SS18: variants seen among roughly 807,000 people sequenced by gnomAD.
The protein encoded by SS18 is SS18 subunit of BAF chromatin remodeling complex, also known as protein SSXT.
In SS18, 28 loss-of-function variants were observed where a neutral mutation model predicts 72.5. The ratio of observed to expected loss-of-function variants is 0.39; its 90% CI spans 0.29 to 0.53. The LOEUF (loss-of-function observed/expected upper bound fraction) is 0.53. Among genes scored for constraint, SS18 ranks in the 20% least tolerant of loss-of-function variants. The pLI is 0.76. For synonymous variants in SS18, 172 were observed against 164.2 expected (o/e 1.05, Z -0.37); for missense variants, 518 against 535.3 (o/e 0.97, Z 0.32).
chr18:26,055,797 C>T (rs1381816492), intron 4 of SS18, among the ~76,000 whole-genome samples: 5 of 135,158 alleles, frequency 3.7e-5, no homozygotes, highest in African/African-American at 1.4e-4. Context: ...CTCACTCTGT[C>T]GCCAGGCTGG....
In SS18 at chr18:26,090,565, G is replaced by T. The variant is rs751846405; in HGVS notation, c.5C>A (p.Ser2Tyr). The change falls in exon 1 of 11, where the codon TCT (serine) becomes TAT (tyrosine). Residue 2 changes from serine to tyrosine, a missense_variant. Ser to Tyr is a moderately radical substitution (Grantham distance 144). Transcript: ENST00000415083. ...CTGCCTCGGGGCCGCGAAAGCCACA[G>T]ACATGTTGCCGCCGTCACCACTATC... Reference protein sequence around the residue: MSVAFAAPRQRG... With the variant: MYVAFAAPRQRG... 28 of 1,583,754 alleles carry T rather than the reference G, an allele frequency of 1.8e-5. No individual in the cohort carries two copies. The highest frequency in any genetic ancestry group is 2.7e-5 in the African/African-American group (2 of 73,902).
chr18:26,074,664 T>C (rs1016140600), intron 3 of SS18, among the ~76,000 whole-genome samples: 1 of 151,980 alleles, frequency 6.6e-6, no homozygotes, highest in African/African-American at 2.4e-5. Context: ...ATTTCACAAC[T>C]GAGAAAAATT....
intron 10 of SS18, among the ~76,000 whole-genome samples, chr18:26,026,324 C>G (rs935795627): frequency 2.0e-5 from 3 of 151,940 alleles, no homozygotes; most frequent in African/African-American, 4.8e-5. Flanking sequence ...AGATTTTATC[C>G]CAGGTATGAA....
At chr18:26,042,721 T>C (rs2053751906) in intron 5 of SS18, among the ~76,000 whole-genome samples, 1 of 151,932 alleles carries the variant, frequency 6.6e-6, no homozygotes, top group Admixed American at 6.6e-5. Context: ...CACCCCAGGC[T>C]AGGAGCCATG....
chr18:26,078,155 T>C lies in SS18; in HGVS notation c.152A>G (p.Gln51Arg). Residue 51 changes from glutamine (Q) to arginine (R), a missense_variant, in exon 3 of 11, where the codon CAG becomes CGG. Transcript: ENST00000415083. ...KGKTSECSQY[Q>R]QMLHTNLVYL... ...TACCAAGTTTGTGTGCAACATCTGC[T>C]GATACCTATTAAAACAAAACAAGTA... 1 of 1,610,878 alleles carries C rather than the reference T, an allele frequency of 6.2e-7. No individual in the cohort carries two copies. The highest frequency in any genetic ancestry group is 1.1e-5 in the South Asian group (1 of 90,634).
chr18:26,086,206 C>A (rs987962345), intron 2 of SS18, among the ~76,000 whole-genome samples: 2 of 152,114 alleles, frequency 1.3e-5, no homozygotes, highest in African/African-American at 2.4e-5. Flanking sequence ...GCAAATCCTA[C>A]ACCATTTTAT....
At chr18:26,062,963 A>C (rs976367309) in intron 3 of SS18, among the ~76,000 whole-genome samples, 11 of 152,332 alleles carry the variant, frequency 7.2e-5, no homozygotes, top group Admixed American at 2.6e-4. Flanking sequence ...TAATGTATAG[A>C]AGAAAAAAAA....
chr18:26,021,258 T>C (rs1172248886), intron 10 of SS18, among the ~76,000 whole-genome samples: 1 of 152,218 alleles, frequency 6.6e-6, no homozygotes, highest in Non-Finnish European at 1.5e-5. Flanking sequence ...TTGGGCAAGT[T>C]GCTTAACCTC....
At chr18:26,075,297 CACAA>C (rs1030642204) in intron 3 of SS18, among the ~76,000 whole-genome samples, 57 of 152,014 alleles carry the variant, frequency 3.7e-4, no homozygotes, top group African/African-American at 9.1e-4. Context: ...CAATCACACT[CACAA>C]ACAAAGATGC....
chr18:26,027,148 A>G (rs1482200055), intron 10 of SS18, among the ~76,000 whole-genome samples: 1 of 152,222 alleles, frequency 6.6e-6, no homozygotes, highest in Non-Finnish European at 1.5e-5. Context: ...CTTTGTATAA[A>G]AAGAACAAAG....
intron 10 of SS18, among the ~76,000 whole-genome samples, chr18:26,031,592 G>C (rs2053542858): frequency 6.6e-6 from 1 of 152,098 alleles, no homozygotes; most frequent in East Asian, 1.9e-4. Flanking sequence ...GTATATATGA[G>C]TACATTCATA....
At chr18:26,064,427 A>C (rs1296982918) in intron 3 of SS18, among the ~76,000 whole-genome samples, 1 of 152,208 alleles carries the variant, frequency 6.6e-6, no homozygotes, top group Non-Finnish European at 1.5e-5. Flanking sequence ...AAGATAATAC[A>C]TTATAACCAA....
At chr18:26,050,331 T>C (rs1010013991) in intron 5 of SS18, among the ~76,000 whole-genome samples, 3 of 152,086 alleles carry the variant, frequency 2.0e-5, no homozygotes, top group African/African-American at 7.2e-5. Flanking sequence ...ACTAGCTTAG[T>C]TGCTGAATTA....
chr18:26,074,296 C>T (rs2054369091), intron 3 of SS18, among the ~76,000 whole-genome samples: 1 of 150,010 alleles, frequency 6.7e-6, no homozygotes, highest in Non-Finnish European at 1.5e-5. Context: ...TAAGATTCCA[C>T]ACCACAACTA....
At chr18:26,027,424 G>A (rs904098255) in intron 10 of SS18, among the ~76,000 whole-genome samples, 2 of 151,850 alleles carry the variant, frequency 1.3e-5, no homozygotes, top group Non-Finnish European at 2.9e-5. Flanking sequence ...CGAAGCAGGC[G>A]GATCACGAGG....
rs2054047919 is a variant in SS18, at chr18:26,057,689, A to G, written c.285T>C (p.Pro95=). The G allele has an allele frequency of 6.2e-7, 1 of 1,613,978 alleles. No individual in the cohort carries two copies. The highest frequency in any genetic ancestry group is 8.5e-7 in the Non-Finnish European group (1 of 1,179,948). ...MGPGGMNQSG[P]PPPPRSHNMP... is the part of the protein sequence containing the mutation. ...TGTTGTGAGAGCGTGGAGGTGGGGG[A>G]GGGCCGCTCTGATTCATCCCTCCAG... The change falls in exon 4 of 11, where the codon CCT becomes CCC. Residue 95 remains proline (P), a synonymous_variant. Transcript: ENST00000415083.
chr18:26,054,041 C>A (rs1366413265), intron 4 of SS18, among the ~76,000 whole-genome samples: 1 of 152,180 alleles, frequency 6.6e-6, no homozygotes, highest in African/African-American at 2.4e-5. Context: ...TAAAATGACA[C>A]AGTATTTCCA....
chr18:26,051,896 C>G lies in SS18; in HGVS notation c.607+728G>C, dbSNP rs537820908. Among the ~76,000 whole-genome samples, 39 of 152,214 alleles carry G rather than the reference C, an allele frequency of 2.6e-4. 4 individuals are homozygous for G. The highest frequency in any genetic ancestry group is 2.0e-3 in the Admixed American group (30 of 15,290). ...TCTTTTATCTGGGTACATTTTAGTG[C>G]TCTGTTTATTTTATAAATCAAAATC... On this transcript the variant is annotated intron_variant, in intron 5 of 10. Transcript: ENST00000415083.
At chr18:26,037,274 CAT>C (rs1246608398) in intron 7 of SS18, among the ~76,000 whole-genome samples, 17 of 151,922 alleles carry the variant, frequency 1.1e-4, no homozygotes, top group Admixed American at 6.6e-5. Context: ...TAACAATACA[CAT>C]GTCACATTTC....
Sources: allele counts gnomAD v4.1 joint callset (sites outside exome capture counted in the v4.1 genomes callset), GRCh38; gene constraint gnomAD v4.1.1; transcripts MANE v1.5; gene names NCBI Gene and HGNC (gene_info 2026-07-23, HGNC 2026-07-21).